KHDRBS2: variants seen among roughly 807,000 people sequenced by gnomAD.
The protein encoded by KHDRBS2 is KH domain-containing, RNA-binding, signal transduction-associated protein 2.
KHDRBS2 carries 26 observed loss-of-function variants against 44.3 expected under a neutral mutation model. The observed-to-expected ratio is 0.59, with a 90% CI of 0.43 to 0.81. The LOEUF is 0.81. Ranked by LOEUF, KHDRBS2 falls within the 40% of genes least tolerant of loss-of-function variation. The pLI is 0.00. For missense variants in KHDRBS2, 476 were observed against 433.1 expected (o/e 1.10, Z -0.88); for synonymous variants, 194 against 151.1 (o/e 1.28, Z -2.08).
intron 1 of KHDRBS2, among the ~76,000 whole-genome samples, chr6:62,217,414 A>C (rs911447265): frequency 2.0e-5 from 3 of 151,900 alleles, no homozygotes; most frequent in African/African-American, 7.2e-5. Flanking sequence ...AACATATATA[A>C]TTTATTTAGC....
chr6:61,984,402 T>C (rs1327094144), intron 3 of KHDRBS2, among the ~76,000 whole-genome samples: 2 of 152,078 alleles, frequency 1.3e-5, no homozygotes, highest in Non-Finnish European at 2.9e-5. Flanking sequence ...GGAGACCCAT[T>C]TGGAGCCCCA....
chr6:62,207,416 T>G (rs2150142509), intron 1 of KHDRBS2, among the ~76,000 whole-genome samples: 1 of 152,224 alleles, frequency 6.6e-6, no homozygotes, highest in Admixed American at 6.5e-5. Context: ...CAGTTTAAGC[T>G]TATAAACTGT....
chr6:61,646,462 A>G, the KHDRBS2 span, among the ~76,000 whole-genome samples: 1 of 152,160 alleles, frequency 6.6e-6, no homozygotes, highest in Non-Finnish European at 1.5e-5. Context: ...GCTTTTTGTC[A>G]GTTAAAAAAA....
chr6:62,118,569 G>A (rs1033857505), intron 2 of KHDRBS2, among the ~76,000 whole-genome samples: 2 of 152,076 alleles, frequency 1.3e-5, no homozygotes, highest in Admixed American at 6.5e-5. Flanking sequence ...ACAAAATATT[G>A]TTTCCGGGGG....
intron 8 of KHDRBS2, among the ~76,000 whole-genome samples, chr6:61,694,533 C>A (rs183388874): frequency 6.6e-6 from 1 of 152,108 alleles, no homozygotes. Flanking sequence ...ACAAGGCTTG[C>A]GGCCTCATTC....
intron 2 of KHDRBS2, among the ~76,000 whole-genome samples, chr6:62,162,004 C>T (rs7769826): frequency 0.61 from 92,104 of 151,744 alleles, 28,145 homozygotes; most frequent in Non-Finnish European, 0.62. Flanking sequence ...TTTAAGTACA[C>T]TAATCTCTTT....
At chr6:62,266,032 C>A (rs1839148482) in intron 1 of KHDRBS2, among the ~76,000 whole-genome samples, 1 of 151,948 alleles carries the variant, frequency 6.6e-6, no homozygotes, top group Admixed American at 6.6e-5. Flanking sequence ...ATTTTCCAAG[C>A]CTAGTTCATG....
chr6:61,955,306 A>G (rs1209851660), intron 4 of KHDRBS2, among the ~76,000 whole-genome samples: 8 of 145,954 alleles, frequency 5.5e-5, no homozygotes, highest in East Asian at 2.1e-4. Context: ...GTATACATAT[A>G]TATGTATACA....
At chr6:61,881,836 C>T (rs578193193) in intron 6 of KHDRBS2, among the ~76,000 whole-genome samples, 1 of 152,066 alleles carries the variant, frequency 6.6e-6, no homozygotes, top group East Asian at 1.9e-4. Context: ...TGTACCGGTG[C>T]AGAACAGCAA....
At chr6:62,073,918 C>T (rs1446088265) in intron 2 of KHDRBS2, among the ~76,000 whole-genome samples, 1 of 151,744 alleles carries the variant, frequency 6.6e-6, no homozygotes, top group Non-Finnish European at 1.5e-5. Context: ...GGATTTATGC[C>T]CTGCTTTTCC....
intron 4 of KHDRBS2, among the ~76,000 whole-genome samples, chr6:61,933,070 C>T (rs1332129536): frequency 1.3e-5 from 2 of 152,116 alleles, no homozygotes; most frequent in South Asian, 2.1e-4. Context: ...AACTGGCTCA[C>T]GTTTTCACAG....
At chr6:62,236,869 T>C (rs1363726152) in intron 1 of KHDRBS2, among the ~76,000 whole-genome samples, 1 of 152,180 alleles carries the variant, frequency 6.6e-6, no homozygotes, top group South Asian at 2.1e-4. Flanking sequence ...AAATAACTTA[T>C]TGGTAAATCC....
chr6:62,147,389 A>G (rs1814178943), intron 2 of KHDRBS2, among the ~76,000 whole-genome samples: 2 of 151,950 alleles, frequency 1.3e-5, no homozygotes, highest in South Asian at 4.1e-4. Flanking sequence ...TATAAATTAC[A>G]TTATTAATAT....
chr6:61,771,821 T>C (rs1780961742), intron 6 of KHDRBS2, among the ~76,000 whole-genome samples: 1 of 152,134 alleles, frequency 6.6e-6, no homozygotes, highest in Non-Finnish European at 1.5e-5. Context: ...TAGACTCAGA[T>C]CTGCACCGAG....
At chr6:61,744,347 A>G (rs9353644) in intron 6 of KHDRBS2, among the ~76,000 whole-genome samples, 54,610 of 151,946 alleles carry the variant, frequency 0.36, 10,562 homozygotes, top group East Asian at 0.47. Flanking sequence ...GGGTAGGAAC[A>G]GTGAGCTCAT....
chr6:62,281,423 C>G (rs1239376955), intron 1 of KHDRBS2, among the ~76,000 whole-genome samples: 1 of 151,888 alleles, frequency 6.6e-6, no homozygotes, highest in Admixed American at 6.6e-5. Context: ...AGTTTGAGAC[C>G]AGCCTGGCCA....
At chr6:62,104,840 A>C (rs1424621962) in intron 2 of KHDRBS2, among the ~76,000 whole-genome samples, 1 of 152,070 alleles carries the variant, frequency 6.6e-6, no homozygotes, top group Non-Finnish European at 1.5e-5. Context: ...AATAGAGTAA[A>C]ATTAACACAA....
At chr6:61,909,608 C>T (rs1487649606) in intron 4 of KHDRBS2, among the ~76,000 whole-genome samples, 5 of 152,094 alleles carry the variant, frequency 3.3e-5, no homozygotes, top group East Asian at 1.9e-4. Flanking sequence ...GCCCTCCCAT[C>T]GTGACACCAT....
intron 8 of KHDRBS2, among the ~76,000 whole-genome samples, chr6:61,683,074 C>T (rs1766471940): frequency 6.6e-6 from 1 of 151,836 alleles, no homozygotes; most frequent in African/African-American, 2.4e-5. Context: ...CCCTGGGTTT[C>T]ACTCTACAGG....
Sources: gnomAD v4.1 joint callset for allele counts (sites outside exome capture counted in the v4.1 genomes callset) on GRCh38, gnomAD v4.1.1 for gene constraint, MANE v1.5 for transcripts, NCBI Gene and HGNC (gene_info 2026-07-23, HGNC 2026-07-21) for gene names.